Variants in NLRC4 observed in about 807,000 individuals in gnomAD.
NLRC4 encodes the protein NLR family CARD domain containing 4, also known as NLR family CARD domain-containing protein 4.
In NLRC4, 63 loss-of-function variants were observed where a neutral mutation model predicts 79.9. The ratio of observed to expected loss-of-function variants is 0.79; its 90% confidence interval spans 0.64 to 0.97. The LOEUF (loss-of-function observed/expected upper bound fraction) is 0.97. Among genes scored for constraint, NLRC4 ranks in the 50% least tolerant of loss-of-function variants. The probability of loss-of-function intolerance (pLI) is 0.00; values close to 1 mark genes in which losing one functional copy is unlikely to be tolerated. For synonymous variants in NLRC4, 461 were observed against 456.5 expected, an observed-to-expected ratio of 1.01 and a Z score of -0.12; for missense variants, 1,074 against 1,215.2, an observed-to-expected ratio of 0.88 and a Z score of 1.73.
At chr2:32,260,216 AAAAAAAAAAAAAAAAAACAACG>A (rs1687310187) in intron 1 of NLRC4, among the ~76,000 whole-genome samples, 1 of 149,378 alleles carries the variant, frequency 6.7e-6, no homozygotes, top group South Asian at 2.1e-4. Context: ...GCAACGACAA[AAAAAAAAAAAAAAAAAACAACG>A]AAAAAAAAAA....
chr2:32,242,751 A>T (rs1686834400), intron 4 of NLRC4, among the ~76,000 whole-genome samples: 1 of 152,230 alleles, frequency 6.6e-6, no homozygotes, highest in Non-Finnish European at 1.5e-5. Flanking sequence ...AAAGACGTAG[A>T]AGAAAAACTT....
chr2:32,233,168 GGAAGGAAGGAAGGAAGGAAGGAAGGA>G (rs1440762271), intron 8 of NLRC4, among the ~76,000 whole-genome samples: 66 of 96,886 alleles, frequency 6.8e-4, no homozygotes, highest in Non-Finnish European at 1.1e-3. Flanking sequence ...AAGGAAGGAA[GGAAGGAAGGAAGGAAGGAAGGAAGGA>G]AGGGAGGGAG....
chr2:32,229,923 GT>G (rs1385251422), intron 8 of NLRC4, among the ~76,000 whole-genome samples: 3 of 152,192 alleles, frequency 2.0e-5, no homozygotes, highest in Non-Finnish European at 2.9e-5. Flanking sequence ...CATAAAATTT[GT>G]TTTAGAGCTT....
chr2:32,231,743 G>A (rs1686544127), intron 8 of NLRC4, among the ~76,000 whole-genome samples: 1 of 151,802 alleles, frequency 6.6e-6, no homozygotes, highest in Non-Finnish European at 1.5e-5. Context: ...CTAATTTTTT[G>A]GAGATTGAGT....
chr2:32,225,910 G>A (rs1686380506), intron 8 of NLRC4, among the ~76,000 whole-genome samples: 4 of 152,210 alleles, frequency 2.6e-5, no homozygotes, highest in Admixed American at 2.0e-4. Flanking sequence ...CTTGGGAGAT[G>A]TGTAATATTA....
rs780806427 is a variant in NLRC4, at chr2:32,250,303, G to T, written c.1561C>A (p.Leu521Ile). ...AVYQHGCLLG[L>I]SIAKRPLWRQ... ...CAGAGAGGCCTCTTGGCGATGGAAA[G>T]TCCGAGAAGGCAGCCGTGTTGATAC... Residue 521 changes from leucine to isoleucine, a missense_variant, in exon 4 of 9, where the codon CTT (leucine) becomes ATT (isoleucine). Transcript: ENST00000402280. This position sits in a 1 kb window ranked among gnomAD's most constrained non-coding sequence, Gnocchi z 4.9. The T allele has an allele frequency of 6.2e-7, 1 of 1,614,198 alleles. No homozygotes were observed. Among genetic ancestry groups the T allele is most frequent in the Non-Finnish European group, 8.5e-7 (1 of 1,180,038 alleles).
intron 2 of NLRC4, among the ~76,000 whole-genome samples, chr2:32,252,962 G>T (rs1431577840): frequency 1.3e-5 from 2 of 151,802 alleles, no homozygotes; most frequent in Non-Finnish European, 2.9e-5. Context: ...AGCTTGCAGT[G>T]AGCTGAGATA....
chr2:32,250,580 A>T lies in NLRC4; in HGVS notation c.1284T>A (p.Cys428Ter), dbSNP rs972717911. Residue 428 changes from cysteine to a stop codon, truncating the protein, a stop_gained, in exon 4 of 9, where the codon TGT (cysteine) becomes TGA (stop). Transcript: ENST00000402280. LOFTEE classifies it high-confidence loss of function. This position sits in a 1 kb window ranked among gnomAD's most constrained non-coding sequence, Gnocchi z 4.9. Reference sequence around the variant, plus strand: ...GCTTGAACCTTTGAGCTGTATATTTACAGAGGAGCCCAGTTGTCAGCAGGA... The same window carrying T: ...GCTTGAACCTTTGAGCTGTATATTTTCAGAGGAGCCCAGTTGTCAGCAGGA... ...EDVLLTTGLLCKYTAQRFKPK... is the reference protein window; with the variant it reads ...EDVLLTTGLL 12 of 1,614,214 alleles carry T rather than the reference A, an allele frequency of 7.4e-6. No homozygotes were observed. Among genetic ancestry groups the T allele is most frequent in the Non-Finnish European group, 1.0e-5 (12 of 1,180,040 alleles).
At chr2:32,225,942 C>A (rs1686381759) in intron 8 of NLRC4, among the ~76,000 whole-genome samples, 1 of 152,016 alleles carries the variant, frequency 6.6e-6, no homozygotes, top group South Asian at 2.1e-4. Flanking sequence ...AGAAACTGAC[C>A]CTTATGGAAA....
chr2:32,236,381 A>G (rs1405734168), intron 6 of NLRC4, 42 bp from the exon 7 acceptor site: 3 of 1,246,156 alleles, frequency 2.4e-6, no homozygotes, highest in African/African-American at 3.0e-5. Context: ...ATTTTCAGGT[A>G]AATATAAATG....
At position 32,244,621 on chromosome 2, in the gene NLRC4, T is replaced by C. The variant is rs371594100; in HGVS notation, c.2258-3496A>G. Among the ~76,000 whole-genome samples, 25 of 152,094 alleles carry C rather than the reference T, an allele frequency of 1.6e-4. No individual in the cohort carries two copies. The East Asian group carries it at 3.1e-3, about 19-fold the overall frequency. On this transcript the variant is annotated intron_variant, in intron 4 of 8. Coordinates refer to ENST00000402280, the MANE Select transcript of NLRC4 (RefSeq NM_001199138.2). ...ATCATTCTTTTCGAAGATAACATGA[T>C]TGTCTATGATAAAAATGTCAAGGAA...
intron 2 of NLRC4, among the ~76,000 whole-genome samples, chr2:32,255,640 G>A (rs140996204): frequency 1.4e-3 from 219 of 151,682 alleles, no homozygotes; most frequent in Non-Finnish European, 2.6e-3. Context: ...ATGAAGACAC[G>A]TTATTTAAAA....
intron 1 of NLRC4, among the ~76,000 whole-genome samples, chr2:32,263,276 C>A (rs183304830): frequency 9.5e-4 from 145 of 152,256 alleles, no homozygotes; most frequent in African/African-American, 3.4e-3. Context: ...AGGTAAGTAT[C>A]CCTAGACATG....
chr2:32,257,080 A>T, intron 1 of NLRC4, among the ~76,000 whole-genome samples, 187 bp from the exon 2 acceptor site: 1 of 152,204 alleles, frequency 6.6e-6, no homozygotes, highest in South Asian at 2.1e-4. Context: ...CCTTGCCTAG[A>T]GCTCTAAACT....
At chr2:32,227,073 T>C (rs1686420184) in intron 8 of NLRC4, among the ~76,000 whole-genome samples, 1 of 152,136 alleles carries the variant, frequency 6.6e-6, no homozygotes, top group African/African-American at 2.4e-5. Context: ...ATGTCACTTT[T>C]CCGCTTTTCC....
chr2:32,242,579 C>A (rs907082607), intron 4 of NLRC4, among the ~76,000 whole-genome samples: 2 of 152,218 alleles, frequency 1.3e-5, no homozygotes, highest in African/African-American at 4.8e-5. Context: ...TTCTGCCACA[C>A]ATTTTCATTT....
intron 6 of NLRC4, among the ~76,000 whole-genome samples, chr2:32,236,816 C>T (rs913140435): frequency 2.0e-5 from 3 of 151,838 alleles, no homozygotes; most frequent in Admixed American, 2.0e-4. Flanking sequence ...ATTTTATTGA[C>T]ATAATAGTTG....
chr2:32,231,532 TA>T lies in NLRC4; in HGVS notation c.2782+3868del, dbSNP rs1316120655. On this transcript the variant is annotated intron_variant, in intron 8 of 8. Coordinates refer to ENST00000402280, the MANE Select transcript of NLRC4 (RefSeq NM_001199138.2). ...TCTGCAATTTTTTTTTCACATTCTG[TA>T]GGTTGTATTTTCACTTTCTTTCTTT... Among the ~76,000 whole-genome samples the T allele has an allele frequency of 4.1e-5, 6 of 146,180 alleles. No homozygotes were observed. In the East Asian group the frequency reaches 1.2e-3, roughly 30 times the overall value.
At chr2:32,252,926 G>A (rs1197611941) in intron 2 of NLRC4, among the ~76,000 whole-genome samples, 1 of 152,106 alleles carries the variant, frequency 6.6e-6, no homozygotes, top group Non-Finnish European at 1.5e-5. Flanking sequence ...GCTGAGGCAG[G>A]AGAATGGCGT....
Sources: allele counts gnomAD v4.1 joint callset (sites outside exome capture counted in the v4.1 genomes callset), GRCh38; gene constraint gnomAD v4.1.1; non-coding constraint Gnocchi (gnomAD v3.1); transcripts MANE v1.5; gene names NCBI Gene and HGNC (gene_info 2026-07-23, HGNC 2026-07-21).